ESCO2: variants seen among roughly 807,000 people sequenced by gnomAD.
ESCO2 encodes N-acetyltransferase ESCO2.
A neutral mutation model predicts 61.7 loss-of-function variants in ESCO2; 51 were observed. The observed-to-expected ratio is 0.83, with a 90% CI of 0.66 to 1.04. ESCO2 has a LOEUF of 1.04. Ranked by LOEUF, ESCO2 falls within the 50% of genes least tolerant of loss-of-function variation. The pLI is 0.00. For synonymous variants in ESCO2, 230 were observed against 238.2 expected (o/e 0.97, Z 0.32); for missense variants, 692 against 686.2 (o/e 1.01, Z -0.09).
chr8:27,799,090 C>T (rs1805366181), intron 9 of ESCO2, among the ~76,000 whole-genome samples: 1 of 151,964 alleles, frequency 6.6e-6, no homozygotes, highest in Non-Finnish European at 1.5e-5. Flanking sequence ...ATACATGCTC[C>T]TCTGTAGTGG....
intron 10 of ESCO2, among the ~76,000 whole-genome samples, chr8:27,801,793 A>T (rs932662025): frequency 1.3e-5 from 2 of 152,040 alleles, no homozygotes; most frequent in African/African-American, 2.4e-5. Context: ...ATTTTGTTAC[A>T]TATATTATGC....
intron 1 of ESCO2, 58 bp from the exon 2 acceptor site, chr8:27,775,441 A>AT: frequency 6.8e-7 from 1 of 1,472,274 alleles, no homozygotes; most frequent in Non-Finnish European, 9.5e-7. Flanking sequence ...AGGGGGTATA[A>AT]TTTTGATAAA....
chr8:27,802,814 T>C (rs143939197), intron 10 of ESCO2, among the ~76,000 whole-genome samples: 10 of 150,116 alleles, frequency 6.7e-5, no homozygotes, highest in South Asian at 2.1e-4. Context: ...TGGCGAGATA[T>C]CGGCTCACTG....
chr8:27,797,554 T>G lies in ESCO2; in HGVS notation c.1498-1987T>G, dbSNP rs77867669. ...TTGGCAAACATATTCTATTTACACT[T>G]AAAGTAATTATTGATAAATAAGGAT... is the stretch of plus-strand genomic sequence containing the variant. On this transcript the variant is annotated intron_variant, in intron 9 of 10. Coordinates refer to ENST00000305188, the MANE Select transcript of ESCO2 (RefSeq NM_001017420.3). 6.3e-3 allele frequency among the ~76,000 whole-genome samples: 957 copies of G among 152,322 alleles called. 5 individuals are homozygous for G. Among genetic ancestry groups the G allele is most frequent in the African/African-American group, 0.022 (902 of 41,558 alleles).
chr8:27,773,867 T>C (rs17478513), upstream of ESCO2: 39,898 of 152,212 alleles, frequency 0.26, 6,228 homozygotes, highest in Middle Eastern at 0.36. Flanking sequence ...TTAGGAACTT[T>C]CTGGTTTTCC....
At chr8:27,796,615 T>C (rs1177420517) in intron 9 of ESCO2, among the ~76,000 whole-genome samples, 2 of 152,228 alleles carry the variant, frequency 1.3e-5, no homozygotes, top group Admixed American at 1.3e-4. Flanking sequence ...AATTTCCCTT[T>C]TAATTTCTTT....
chr8:27,780,631 G>A (rs1038794334), intron 4 of ESCO2, among the ~76,000 whole-genome samples: 3 of 152,136 alleles, frequency 2.0e-5, no homozygotes, highest in Non-Finnish European at 4.4e-5. Flanking sequence ...TGTGATCAAA[G>A]CCCAATTGTG....
chr8:27,798,242 C>T (rs1283106998), intron 9 of ESCO2, among the ~76,000 whole-genome samples: 1 of 152,136 alleles, frequency 6.6e-6, no homozygotes, highest in Non-Finnish European at 1.5e-5. Context: ...GGTGGATCAC[C>T]TGAGGTCAGG....
At chr8:27,818,782 T>C in the ESCO2 span, among the ~76,000 whole-genome samples, 1 of 152,088 alleles carries the variant, frequency 6.6e-6, no homozygotes, top group Non-Finnish European at 1.5e-5. Context: ...TTAATGATGG[T>C]TTCTAGCTTT....
intron 9 of ESCO2, among the ~76,000 whole-genome samples, chr8:27,797,626 C>A (rs576911158): frequency 6.6e-6 from 1 of 152,118 alleles, no homozygotes; most frequent in Admixed American, 6.5e-5. Flanking sequence ...TATATATATT[C>A]CCTTCTTCCT....
Position 27,803,381 on chromosome 8 carries a change from A to G in ESCO2, c.1749A>G (p.Leu583=). 1 of 1,614,056 alleles carries G rather than the reference A, an allele frequency of 6.2e-7. No homozygotes were observed. The highest frequency in any genetic ancestry group is 8.5e-7 in the Non-Finnish European group (1 of 1,179,976). The change falls in exon 11 of 11, where the codon TTA becomes TTG. Residue 583 remains leucine, a synonymous_variant. Transcript: ENST00000305188. ...AFSDPTPDGK[L]FATKYCNTPN... ...CTGACCCAACACCAGATGGCAAGTT[A>G]TTTGCAACCAAGTACTGCAACACCC...
chr8:27,801,360 C>A (rs990260635), intron 10 of ESCO2, among the ~76,000 whole-genome samples: 1 of 152,136 alleles, frequency 6.6e-6, no homozygotes, highest in Non-Finnish European at 1.5e-5. Context: ...GTTATTCAAG[C>A]CTCTTGCATT....
rs754545650 is a variant in ESCO2 at position 27,776,991 on chromosome 8, C to T, written c.683C>T (p.Pro228Leu). The change falls in exon 3 of 11, where the codon CCG (proline) becomes CTG (leucine). Residue 228 changes from proline (P) to leucine (L), a missense_variant. Coordinates refer to ENST00000305188, the MANE Select transcript of ESCO2 (RefSeq NM_001017420.3). ...AGAAAATCGTCCCTGGAAAATGAGCCGTCACTGGGACGCACCCAAAAGAGT... is the reference window on the plus strand; with the variant it reads ...AGAAAATCGTCCCTGGAAAATGAGCTGTCACTGGGACGCACCCAAAAGAGT... ...SLRKSSLENEPSLGRTQKSKS... is the reference protein window; with the variant it reads ...SLRKSSLENELSLGRTQKSKS... The T allele has an allele frequency of 1.1e-5, 17 of 1,612,780 alleles. No individual in the cohort carries two copies. The highest frequency in any genetic ancestry group is 3.3e-5 in the South Asian group (3 of 90,814).
Position 27,804,335 on chromosome 8 carries a change from G to T in ESCO2, c.*897G>T, listed in dbSNP as rs771411971. ...TGGGAACCTGTTACTGACAATTGAT[G>T]TCATTAACAAAATGCCTAGTTGGAT... On this transcript the variant is annotated 3_prime_UTR_variant, in exon 11 of 11. Transcript: ENST00000305188. 1 of 985,366 alleles carries T rather than the reference G, an allele frequency of 1.0e-6. No homozygotes were observed. Among genetic ancestry groups the T allele is most frequent in the Non-Finnish European group, 1.2e-6 (1 of 829,914 alleles). The allele number at this position is 985,366 out of a possible 1,614,324, so 61.0% of individuals were successfully genotyped here.
At chr8:27,799,758 T>A (rs759034977) in intron 10 of ESCO2, 42 bp downstream of exon 10, 1 of 1,609,936 alleles carries the variant, frequency 6.2e-7, no homozygotes, top group Non-Finnish European at 8.5e-7. Context: ...CTTAGATTCA[T>A]AGCTTTCCCA....
At chr8:27,782,085 T>C (rs1804939151) in intron 4 of ESCO2, among the ~76,000 whole-genome samples, 1 of 152,222 alleles carries the variant, frequency 6.6e-6, no homozygotes, top group Admixed American at 6.5e-5. Context: ...TTTCCAACTC[T>C]AATCCAGTAC....
At position 27,781,656 on chromosome 8, in the gene ESCO2, G is replaced by T. The variant is rs529453791; in HGVS notation, c.955+1389G>T. Among the ~76,000 whole-genome samples the T allele has an allele frequency of 2.6e-5, 4 of 151,806 alleles. No individual in the cohort carries two copies. In the East Asian group the frequency reaches 7.8e-4, roughly 29 times the overall value. On this transcript the variant is annotated intron_variant, in intron 4 of 10. Transcript: ENST00000305188. ...GCTCACTGCAGCCTCCACCTCCAGG[G>T]TTCAAGCATTTCTCCCGCCTCAGCC...
Position 27,776,571 on chromosome 8 carries a change from A to G in ESCO2, c.263A>G (p.Asn88Ser). ...GCGCTCTCCACTGTATCTTTTTACA[A>G]CCAAAATAAGTGGTACCTCAATCCA... ...KSALSTVSFYNQNKWYLNPLE... is the reference protein window; with the variant it reads ...KSALSTVSFYSQNKWYLNPLE... The change falls in exon 3 of 11, where the codon AAC becomes AGC. Residue 88 changes from asparagine (N) to serine (S), a missense_variant. Asn to Ser is a conservative substitution (Grantham distance 46, BLOSUM62 1). Coordinates refer to ENST00000305188, the MANE Select transcript of ESCO2 (RefSeq NM_001017420.3). 2.5e-6 allele frequency: 4 copies of G among 1,614,180 alleles called. No homozygotes were observed. Among genetic ancestry groups the G allele is most frequent in the South Asian group, 1.1e-5 (1 of 91,084 alleles).
At chr8:27,806,184 T>C (rs1805558194), downstream of ESCO2, among the ~76,000 whole-genome samples, 1 of 152,194 alleles carries the variant, frequency 6.6e-6, no homozygotes, top group East Asian at 1.9e-4. Flanking sequence ...AGTGCTCAGT[T>C]AAGATGGAAA....
Sources: allele counts gnomAD v4.1 joint callset (sites outside exome capture counted in the v4.1 genomes callset), GRCh38; gene constraint gnomAD v4.1.1; transcripts MANE v1.5; gene names NCBI Gene and HGNC (gene_info 2026-07-23, HGNC 2026-07-21).